The following ST8SIA6 variants were observed in gnomAD, a reference collection of about 807,000 sequenced individuals.
ST8SIA6 encodes the protein alpha-2,8-sialyltransferase 8F.
ST8SIA6 carries 39 observed loss-of-function variants against 33.6 expected under a neutral mutation model. The observed-to-expected ratio is 1.16, with a 90% CI of 0.90 to 1.52. The LOEUF (loss-of-function observed/expected upper bound fraction) is 1.52, where lower values mean the gene tolerates loss of function less well. Among genes scored for constraint, ST8SIA6 ranks in the 40% most tolerant of loss-of-function variants. The pLI is 0.00. For missense variants in ST8SIA6, 441 were observed against 443.8 expected (o/e 0.99, Z 0.06); for synonymous variants, 172 against 167.2 (o/e 1.03, Z -0.22).
intron 7 of ST8SIA6, among the ~76,000 whole-genome samples, chr10:17,322,038 G>C (rs1268086570): frequency 1.3e-5 from 2 of 151,824 alleles, no homozygotes; most frequent in African/African-American, 4.8e-5. Flanking sequence ...AGGAGTTTGA[G>C]GCTGCAGTGA....
intron 2 of ST8SIA6, among the ~76,000 whole-genome samples, chr10:17,395,677 G>A (rs532207855): frequency 3.7e-4 from 56 of 152,268 alleles, no homozygotes; most frequent in African/African-American, 1.3e-3. Flanking sequence ...GTGGTCGAGA[G>A]TTCAAGACCA....
At chr10:17,450,633 G>A (rs1371217877) in intron 2 of ST8SIA6, among the ~76,000 whole-genome samples, 1 of 152,080 alleles carries the variant, frequency 6.6e-6, no homozygotes, top group East Asian at 1.9e-4. Flanking sequence ...GTAGAGACAA[G>A]GTTTCATCAT....
At chr10:17,333,715 A>ATG (rs1564405142) in intron 4 of ST8SIA6, among the ~76,000 whole-genome samples, 1 of 35,414 alleles carries the variant, frequency 2.8e-5, no homozygotes, top group Non-Finnish European at 4.2e-5. Context: ...ATATATATAT[A>ATG]TATTTTTTTT....
intron 2 of ST8SIA6, among the ~76,000 whole-genome samples, chr10:17,447,678 A>G (rs1409160650): frequency 6.6e-5 from 10 of 152,204 alleles, no homozygotes; most frequent in Admixed American, 6.5e-4. Flanking sequence ...GTTGTTAAGC[A>G]ATAACTCAAT....
At chr10:17,329,778 A>C (rs1848239852) in intron 5 of ST8SIA6, among the ~76,000 whole-genome samples, 2 of 152,204 alleles carry the variant, frequency 1.3e-5, no homozygotes, top group Non-Finnish European at 2.9e-5. Context: ...ATAAATTACA[A>C]ATCTCAACGT....
chr10:17,328,947 G>T (rs887853540), intron 5 of ST8SIA6, among the ~76,000 whole-genome samples: 3 of 152,122 alleles, frequency 2.0e-5, no homozygotes, highest in Non-Finnish European at 4.4e-5. Context: ...TTTGGCAAAG[G>T]TTGCAAAATC....
chr10:17,419,336 A>G (rs549644296), intron 2 of ST8SIA6, among the ~76,000 whole-genome samples: 1 of 152,332 alleles, frequency 6.6e-6, no homozygotes, highest in African/African-American at 2.4e-5. Context: ...GTTCGAGACC[A>G]GCCTGGGCAA....
intron 4 of ST8SIA6, among the ~76,000 whole-genome samples, chr10:17,340,895 C>T (rs1411874807): frequency 6.6e-6 from 1 of 152,218 alleles, no homozygotes; most frequent in African/African-American, 2.4e-5. Context: ...ACCCTAGCTG[C>T]CCAGCCTCCA....
At chr10:17,444,187 T>C (rs1239298493) in intron 2 of ST8SIA6, among the ~76,000 whole-genome samples, 1 of 152,196 alleles carries the variant, frequency 6.6e-6, no homozygotes, top group Non-Finnish European at 1.5e-5. Flanking sequence ...TTAAAGGAAA[T>C]GTCTAATAAG....
Position 17,331,506 on chromosome 10 carries a change from A to G in ST8SIA6, c.424T>C (p.Ser142Pro), listed in dbSNP as rs1564403498. The G allele has an allele frequency of 5.0e-6, 8 of 1,613,204 alleles. No homozygotes were observed. Among genetic ancestry groups the G allele is most frequent in the Non-Finnish European group, 5.9e-6 (7 of 1,179,746 alleles). ...CCDAVQNFVV[S>P]QNNTPVGTNM... ...GTCCCAACTGGAGTGTTATTCTGAG[A>G]AACAACAAAGTTTTGAACAGCATCA... The change falls in exon 5 of 8, where the codon TCT becomes CCT. Residue 142 changes from serine to proline, a missense_variant. Ser to Pro is a moderately conservative substitution (Grantham distance 74). Coordinates refer to ENST00000377602, the MANE Select transcript of ST8SIA6 (RefSeq NM_001004470.3).
At chr10:17,389,132 G>C (rs551367029) in intron 3 of ST8SIA6, among the ~76,000 whole-genome samples, 3 of 152,036 alleles carry the variant, frequency 2.0e-5, no homozygotes, top group Admixed American at 6.6e-5. Flanking sequence ...ATTCGCTCCA[G>C]CCTGACCATC....
chr10:17,317,981 A>G lies in ST8SIA6; in HGVS notation c.*2897T>C, dbSNP rs1346047095. On this transcript the variant is annotated 3_prime_UTR_variant, in exon 8 of 8. Coordinates refer to ENST00000377602, the MANE Select transcript of ST8SIA6 (RefSeq NM_001004470.3). ...CACTGCGCAAAAATTAACACTATGC[A>G]ATTGATCATGAAGCCCTTTGCAGGG... is the stretch of plus-strand genomic sequence containing the variant. 6.6e-6 allele frequency among the ~76,000 whole-genome samples: 1 copy of G among 152,198 alleles called. No homozygotes were observed. The highest frequency in any genetic ancestry group is 1.5e-5 in the Non-Finnish European group (1 of 68,026).
chr10:17,323,220 C>G, intron 6 of ST8SIA6, 63 bp from the exon 7 acceptor site: 5 of 1,039,748 alleles, frequency 4.8e-6, no homozygotes, highest in Non-Finnish European at 7.4e-6. Flanking sequence ...TGTATACACA[C>G]ATATGCGCGC....
At chr10:17,326,960 C>G in intron 6 of ST8SIA6, 54 bp downstream of exon 6, 1 of 1,300,070 alleles carries the variant, frequency 7.7e-7, no homozygotes. Context: ...CTATCCCCCT[C>G]TGAAATACCC....
At chr10:17,355,208 G>T (rs564966110) in intron 4 of ST8SIA6, among the ~76,000 whole-genome samples, 1 of 152,128 alleles carries the variant, frequency 6.6e-6, no homozygotes, top group Admixed American at 6.6e-5. Context: ...CCAAGCAAAA[G>T]GTCTTCTGTA....
chr10:17,361,929 CA>C (rs1849406665), intron 3 of ST8SIA6, among the ~76,000 whole-genome samples: 5 of 152,064 alleles, frequency 3.3e-5, no homozygotes, highest in Admixed American at 1.3e-4. Flanking sequence ...ATAATCTCAG[CA>C]CACAAAAGGA....
At chr10:17,357,060 A>G (rs191766824) in intron 4 of ST8SIA6, among the ~76,000 whole-genome samples, 2 of 152,186 alleles carry the variant, frequency 1.3e-5, no homozygotes, top group African/African-American at 4.8e-5. Flanking sequence ...TTCTGCTCCT[A>G]TCGGGCATCT....
intron 2 of ST8SIA6, among the ~76,000 whole-genome samples, chr10:17,436,046 G>C (rs1852243893): frequency 1.3e-5 from 2 of 152,114 alleles, no homozygotes; most frequent in African/African-American, 4.8e-5. Context: ...GTAACCCTAA[G>C]ATGAGTTTTA....
intron 5 of ST8SIA6, among the ~76,000 whole-genome samples, chr10:17,329,478 A>C (rs1848231212): frequency 6.6e-6 from 1 of 152,208 alleles, no homozygotes; most frequent in African/African-American, 2.4e-5. Flanking sequence ...CTGGCTCTTA[A>C]ATGAATGGTT....
Sources: allele counts gnomAD v4.1 joint callset (sites outside exome capture counted in the v4.1 genomes callset), GRCh38; gene constraint gnomAD v4.1.1; transcripts MANE v1.5; gene names NCBI Gene and HGNC (gene_info 2026-07-23, HGNC 2026-07-21).